DYNC1I1: variants seen among roughly 807,000 people sequenced by gnomAD.
The protein encoded by DYNC1I1 is cytoplasmic dynein 1 intermediate chain 1.
DYNC1I1 carries 43 observed loss-of-function variants against 86.6 expected under a neutral mutation model. The observed-to-expected ratio is 0.50, with a 90% CI of 0.39 to 0.64. The LOEUF (loss-of-function observed/expected upper bound fraction) is 0.64. Among genes scored for constraint, DYNC1I1 ranks in the 30% least tolerant of loss-of-function variants. The probability of loss-of-function intolerance (pLI) is 0.00; values close to 1 mark genes in which losing one functional copy is unlikely to be tolerated. For missense variants in DYNC1I1, 604 were observed against 788.8 expected (o/e 0.77, Z 2.81); for synonymous variants, 262 against 283.7 (o/e 0.92, Z 0.77).
intron 15 of DYNC1I1, among the ~76,000 whole-genome samples, chr7:96,078,030 C>A (rs1790395121): frequency 6.6e-6 from 1 of 152,072 alleles, no homozygotes; most frequent in South Asian, 2.1e-4. Flanking sequence ...CAGTAATGAA[C>A]CGAACACTTT....
intron 1 of DYNC1I1, among the ~76,000 whole-genome samples, chr7:95,787,424 T>C (rs915567115): frequency 3.3e-5 from 5 of 152,096 alleles, no homozygotes; most frequent in Non-Finnish European, 7.4e-5. Context: ...AGGCAGAATC[T>C]AGGTGTGGCA....
chr7:95,865,385 T>G (rs1265325205), intron 5 of DYNC1I1, among the ~76,000 whole-genome samples: 2 of 152,208 alleles, frequency 1.3e-5, no homozygotes, highest in Non-Finnish European at 2.9e-5. Flanking sequence ...AATTTATATT[T>G]CTACATTGTT....
rs750510296 is a variant in DYNC1I1, at chr7:96,035,657, C to T, written c.1269C>T (p.Val423=). The stretch of plus-strand genomic sequence containing the variant: ...TGGTGTACAATAAGTCCAAGCCTGT[C>T]GCTGTTACCGGAATGGCTTTCCCAA... ...MELVYNKSKP[V]AVTGMAFPTG... Residue 423 remains valine, a synonymous_variant, in exon 13 of 17, where the codon GTC becomes GTT. Coordinates refer to ENST00000447467, the MANE Select transcript of DYNC1I1 (RefSeq NM_001135556.2). 6 of 1,610,732 alleles carry T rather than the reference C, an allele frequency of 3.7e-6. No individual in the cohort carries two copies. The highest frequency in any genetic ancestry group is 1.1e-5 in the South Asian group (1 of 90,360).
intron 5 of DYNC1I1, among the ~76,000 whole-genome samples, chr7:95,865,835 G>A (rs1234889811): frequency 1.3e-4 from 20 of 152,190 alleles, no homozygotes; most frequent in Admixed American, 1.3e-3. Flanking sequence ...AGTGCGGTCT[G>A]TGATATTTGC....
intron 16 of DYNC1I1, among the ~76,000 whole-genome samples, chr7:96,090,258 T>TGTTGTTGTTG (rs200082803): frequency 3.9e-5 from 6 of 151,912 alleles, no homozygotes; most frequent in East Asian, 1.9e-4. Context: ...TTGTTGTTGT[T>TGTTGTTGTTG]TTGTTGTTGT....
downstream of DYNC1I1, among the ~76,000 whole-genome samples, chr7:96,102,377 C>T (rs979445981): frequency 1.3e-5 from 2 of 152,080 alleles, no homozygotes; most frequent in Non-Finnish European, 2.9e-5. Context: ...AAGATATATG[C>T]ACTCCAGAGG....
At chr7:95,947,402 A>C (rs1792431996) in intron 6 of DYNC1I1, among the ~76,000 whole-genome samples, 1 of 152,192 alleles carries the variant, frequency 6.6e-6, no homozygotes, top group South Asian at 2.1e-4. Flanking sequence ...ACACTAAGGC[A>C]GCCCCTGCCT....
chr7:95,831,820 G>A (rs1351459539), intron 5 of DYNC1I1, among the ~76,000 whole-genome samples: 1 of 151,770 alleles, frequency 6.6e-6, no homozygotes, highest in Non-Finnish European at 1.5e-5. Flanking sequence ...TAGGGCCTCT[G>A]TGCATTTTTA....
At chr7:96,106,570 C>T (rs963546979) in intron 16 of DYNC1I1, among the ~76,000 whole-genome samples, 2 of 151,884 alleles carry the variant, frequency 1.3e-5, no homozygotes, top group Admixed American at 1.3e-4. Context: ...AGAAATCCCT[C>T]TTAGTACTGC....
At chr7:95,907,933 A>T (rs916118881) in intron 6 of DYNC1I1, among the ~76,000 whole-genome samples, 1 of 152,210 alleles carries the variant, frequency 6.6e-6, no homozygotes, top group Non-Finnish European at 1.5e-5. Context: ...AAATAGAATG[A>T]AAACAATACT....
Position 95,807,590 on chromosome 7 carries a change from T to C in DYNC1I1, c.108+2753T>C, listed in dbSNP as rs368437463. The stretch of plus-strand genomic sequence containing the variant: ...ATACCCTGATGGACTACATTCTTTC[T>C]TGTCAGAGAGCTTAAGATGTTCTCT... On this transcript the variant is annotated intron_variant, in intron 2 of 16. Transcript: ENST00000447467. Among the ~76,000 whole-genome samples the C allele has an allele frequency of 3.3e-5, 5 of 152,160 alleles. No homozygotes were observed. In the East Asian group the frequency reaches 9.7e-4, roughly 29 times the overall value.
chr7:95,962,278 A>C (rs1792891348), intron 6 of DYNC1I1, among the ~76,000 whole-genome samples: 1 of 152,096 alleles, frequency 6.6e-6, no homozygotes, highest in Non-Finnish European at 1.5e-5. Context: ...CCCTCTTTCT[A>C]GTCTCAACAG....
At chr7:95,902,694 A>T (rs1300336604) in intron 6 of DYNC1I1, among the ~76,000 whole-genome samples, 2 of 152,170 alleles carry the variant, frequency 1.3e-5, no homozygotes, top group Non-Finnish European at 2.9e-5. Context: ...ATGCATGGGA[A>T]ACGTAGTCGT....
intron 16 of DYNC1I1, among the ~76,000 whole-genome samples, chr7:96,081,078 GA>G (rs371108270): frequency 5.8e-5 from 8 of 138,178 alleles, no homozygotes; most frequent in African/African-American, 1.1e-4. Flanking sequence ...AAAAAAAAAA[GA>G]AAAAGAAAAG....
chr7:95,784,790 A>C (rs1210628116), intron 1 of DYNC1I1, among the ~76,000 whole-genome samples: 3 of 152,226 alleles, frequency 2.0e-5, no homozygotes, highest in Middle Eastern at 6.3e-3. Flanking sequence ...CATTGTCTGT[A>C]AACAGACTTA....
intron 6 of DYNC1I1, among the ~76,000 whole-genome samples, chr7:95,957,337 C>A (rs1792743538): frequency 6.6e-6 from 1 of 152,192 alleles, no homozygotes. Flanking sequence ...GAACAATCTT[C>A]TTCCTCCACC....
intron 13 of DYNC1I1, 115 bp from the exon 14 acceptor site, chr7:96,039,162 G>C: frequency 1.7e-6 from 2 of 1,169,404 alleles, no homozygotes; most frequent in South Asian, 1.7e-5. Context: ...GTGGTGTGTG[G>C]TTGTTCTAAA....
chr7:96,065,973 G>A (rs1165111260), intron 14 of DYNC1I1, among the ~76,000 whole-genome samples: 1 of 152,160 alleles, frequency 6.6e-6, no homozygotes, highest in Non-Finnish European at 1.5e-5. Flanking sequence ...AATCTGTTTA[G>A]CACATAGCAC....
intron 6 of DYNC1I1, among the ~76,000 whole-genome samples, chr7:95,876,537 CA>C (rs71868996): frequency 0.21 from 32,224 of 151,590 alleles, 4,001 homozygotes; most frequent in African/African-American, 0.34. Context: ...TCTCTACTGG[CA>C]AAAAAAATGC....
Sources: gnomAD v4.1 joint callset for allele counts (sites outside exome capture counted in the v4.1 genomes callset) on GRCh38, gnomAD v4.1.1 for gene constraint, MANE v1.5 for transcripts, NCBI Gene and HGNC (gene_info 2026-07-23, HGNC 2026-07-21) for gene names.